The following LRFN2 variants were observed in gnomAD, a reference collection of about 807,000 sequenced individuals.
LRFN2 encodes the protein leucine-rich repeat and fibronectin type-III domain-containing protein 2.
A neutral mutation model predicts 37.3 loss-of-function variants in LRFN2; 18 were observed. That is an observed-to-expected ratio of 0.48 (90% CI 0.33 to 0.72). The LOEUF (loss-of-function observed/expected upper bound fraction) is 0.72. LRFN2 is among the 30% of genes least tolerant of loss of function. LRFN2 has a pLI of 0.02. For synonymous variants in LRFN2, 556 were observed against 466.6 expected, an observed-to-expected ratio of 1.19 and a Z score of -2.47; for missense variants, 1,006 against 1,060.7, an observed-to-expected ratio of 0.95 and a Z score of 0.72.
Position 40,448,161 on chromosome 6 carries a change from C to T in LRFN2, c.-18-15030G>A, listed in dbSNP as rs192122527. ...GAATCCTTCCTCCACTCACACCCAT[C>T]ACTTGGCCTTGGGATTTGCGGGCTT... On this transcript the variant is annotated intron_variant, in intron 1 of 2. Coordinates refer to ENST00000338305, the MANE Select transcript of LRFN2 (RefSeq NM_020737.3). Among the ~76,000 whole-genome samples the T allele has an allele frequency of 3.5e-4, 54 of 152,264 alleles. 1 individual carries two copies. Among genetic ancestry groups the T allele is most frequent in the Admixed American group, 2.4e-3 (36 of 15,296 alleles).
At chr6:40,406,307 T>G (rs1561841351) in intron 2 of LRFN2, among the ~76,000 whole-genome samples, 1 of 152,294 alleles carries the variant, frequency 6.6e-6, no homozygotes, top group East Asian at 1.9e-4. Context: ...GACAGAGAAG[T>G]GAATCCAGGC....
chr6:40,425,407 A>G (rs1225272095), intron 2 of LRFN2, among the ~76,000 whole-genome samples: 1 of 152,216 alleles, frequency 6.6e-6, no homozygotes, highest in South Asian at 2.1e-4. Flanking sequence ...GACAACTCTT[A>G]GAGACAAGTG....
At chr6:40,510,748 G>C (rs1045533660) in intron 1 of LRFN2, among the ~76,000 whole-genome samples, 4 of 152,192 alleles carry the variant, frequency 2.6e-5, no homozygotes, top group African/African-American at 9.7e-5. Context: ...GTTTTGCATT[G>C]GGTGGCCATT....
chr6:40,461,583 C>T (rs1223960086), intron 1 of LRFN2, among the ~76,000 whole-genome samples: 1 of 142,616 alleles, frequency 7.0e-6, no homozygotes, highest in Non-Finnish European at 1.6e-5. Context: ...CCCCCCTCCC[C>T]CCGACAAAAA....
At chr6:40,518,012 G>A (rs1254722357) in intron 1 of LRFN2, among the ~76,000 whole-genome samples, 2 of 152,102 alleles carry the variant, frequency 1.3e-5, no homozygotes, top group African/African-American at 4.8e-5. Flanking sequence ...AGAAGTAGTT[G>A]GTGAAGTATA....
At position 40,395,416 on chromosome 6, in the gene LRFN2, T is replaced by C. The variant is rs138027369; in HGVS notation, c.1401-2504A>G. The stretch of plus-strand genomic sequence containing the variant: ...GTGGCTGGTCAACCACCTTCATCCC[T>C]GGAGCAGCTTAGAGCCTGCTGTGAC... On this transcript the variant is annotated intron_variant, in intron 2 of 2. Transcript: ENST00000338305. Among the ~76,000 whole-genome samples the C allele has an allele frequency of 2.3e-3, 354 of 152,346 alleles. 3 individuals carry two copies. In the Middle Eastern group the frequency reaches 0.034, roughly 15 times the overall value.
chr6:40,402,981 G>A (rs747957065), intron 2 of LRFN2, among the ~76,000 whole-genome samples: 4 of 152,200 alleles, frequency 2.6e-5, no homozygotes, highest in Admixed American at 6.5e-5. Flanking sequence ...GAAACAGTGA[G>A]GAGGACGGTG....
At chr6:40,411,312 C>T (rs886142793) in intron 2 of LRFN2, among the ~76,000 whole-genome samples, 6 of 152,112 alleles carry the variant, frequency 3.9e-5, no homozygotes, top group African/African-American at 9.7e-5. Context: ...CAAACGGGCA[C>T]GGTAGGAGTA....
chr6:40,566,791 G>A (rs987824616), intron 1 of LRFN2, among the ~76,000 whole-genome samples: 2 of 151,764 alleles, frequency 1.3e-5, no homozygotes, highest in African/African-American at 2.4e-5. Flanking sequence ...GCTAAATGAC[G>A]AGTTAATGGG....
chr6:40,523,944 A>G (rs1766166200), intron 1 of LRFN2: 1 of 146,914 alleles, frequency 6.8e-6, no homozygotes, highest in Admixed American at 6.9e-5. Context: ...TACTCTTCCA[A>G]TTGCCATCCA....
At chr6:40,523,090 G>T (rs928426242) in intron 1 of LRFN2, among the ~76,000 whole-genome samples, 2 of 152,226 alleles carry the variant, frequency 1.3e-5, no homozygotes, top group African/African-American at 4.8e-5. Flanking sequence ...CTTTCCTTTT[G>T]TTACCATGGT....
At chr6:40,472,193 C>T (rs867118257) in intron 1 of LRFN2, among the ~76,000 whole-genome samples, 8 of 152,210 alleles carry the variant, frequency 5.3e-5, no homozygotes, top group African/African-American at 1.7e-4. Flanking sequence ...ATCTTCCCTC[C>T]ACCTTCCCTC....
chr6:40,497,919 C>A (rs1021569999), intron 1 of LRFN2, among the ~76,000 whole-genome samples: 3 of 152,178 alleles, frequency 2.0e-5, no homozygotes, highest in African/African-American at 7.2e-5. Flanking sequence ...GCTACAACAG[C>A]TATTTATCAT....
intron 1 of LRFN2, among the ~76,000 whole-genome samples, chr6:40,573,953 C>T (rs573411450): frequency 2.3e-4 from 35 of 152,276 alleles, no homozygotes; most frequent in African/African-American, 7.7e-4. Context: ...AAGAACGAAA[C>T]TTGTGTCAAA....
chr6:40,538,075 G>A (rs888561215), intron 1 of LRFN2, among the ~76,000 whole-genome samples: 15 of 152,278 alleles, frequency 9.9e-5, no homozygotes, highest in African/African-American at 1.9e-4. Context: ...GCCTTGGAAC[G>A]CTAAGGCAGA....
chr6:40,523,945 T>C (rs439457), intron 1 of LRFN2: 103,543 of 151,686 alleles, frequency 0.68, 36,710 homozygotes, highest in African/African-American at 0.88. Context: ...ACTCTTCCAA[T>C]TGCCATCCAA....
chr6:40,514,199 C>T (rs1765790908), intron 1 of LRFN2, among the ~76,000 whole-genome samples: 1 of 151,974 alleles, frequency 6.6e-6, no homozygotes, highest in Admixed American at 6.6e-5. Context: ...CCTAAGAACT[C>T]CATGTGAAAG....
chr6:40,456,526 G>T (rs993779678), intron 1 of LRFN2, among the ~76,000 whole-genome samples: 5 of 152,198 alleles, frequency 3.3e-5, no homozygotes, highest in Non-Finnish European at 1.5e-5. Context: ...CTTGTGTGTG[G>T]CCAAGGCCAC....
At chr6:40,477,950 C>T (rs1032668516) in intron 1 of LRFN2, among the ~76,000 whole-genome samples, 6 of 152,190 alleles carry the variant, frequency 3.9e-5, no homozygotes, top group African/African-American at 7.2e-5. Flanking sequence ...GTAACACAGA[C>T]GCAGCAAACC....
Sources: allele counts gnomAD v4.1 joint callset (sites outside exome capture counted in the v4.1 genomes callset), GRCh38; gene constraint gnomAD v4.1.1; transcripts MANE v1.5; gene names NCBI Gene and HGNC (gene_info 2026-07-23, HGNC 2026-07-21).